Variants in MECR observed in about 807,000 individuals in gnomAD.
MECR encodes the protein mitochondrial trans-2-enoyl-CoA reductase, also known as enoyl-[acyl-carrier-protein] reductase, mitochondrial.
In MECR, 37 loss-of-function variants were observed where a neutral mutation model predicts 49.1. The observed-to-expected ratio is 0.75, with a 90% CI of 0.58 to 0.99. The LOEUF is 0.99. Ranked by LOEUF, MECR falls within the 50% of genes least tolerant of loss-of-function variation. The pLI is 0.00. For missense variants in MECR, 470 were observed against 479.6 expected (o/e 0.98, Z 0.19); for synonymous variants, 198 against 191.1 (o/e 1.04, Z -0.30).
At chr1:29,173,707 C>T in the MECR span, among the ~76,000 whole-genome samples, 1 of 150,636 alleles carries the variant, frequency 6.6e-6, no homozygotes, top group Admixed American at 6.6e-5. Context: ...CCTCAGCTTC[C>T]CAAAAGTGCT....
chr1:29,177,814 T>C, the MECR span, among the ~76,000 whole-genome samples: 329 of 152,022 alleles, frequency 2.2e-3, 3 homozygotes, highest in African/African-American at 7.3e-3. Flanking sequence ...TCAGGGTCCA[T>C]AGAATCCTTT....
At chr1:29,199,927 T>C (rs932799456) in intron 7 of MECR, among the ~76,000 whole-genome samples, 1 of 150,902 alleles carries the variant, frequency 6.6e-6, no homozygotes, top group African/African-American at 2.4e-5. Flanking sequence ...AAAAAAAAAA[T>C]TAATTTTTTT....
downstream of MECR, among the ~76,000 whole-genome samples, chr1:29,187,980 T>C (rs1294693099): frequency 7.9e-6 from 1 of 126,340 alleles, no homozygotes; most frequent in African/African-American, 3.0e-5. Flanking sequence ...GAGCTTGCAG[T>C]GAGCTGAGAT....
At position 29,194,102 on chromosome 1, in the gene MECR, C is replaced by G; in HGVS notation, c.1042G>C (p.Val348Leu). 6.2e-7 allele frequency: 1 copy of G among 1,614,134 alleles called. No homozygotes were observed. The highest frequency in any genetic ancestry group is 8.5e-7 in the Non-Finnish European group (1 of 1,180,010). The change falls in exon 10 of 10, where the codon GTC becomes CTC. Residue 348 changes from valine (V) to leucine (L), a missense_variant. Physicochemically the swap from Val to Leu is conservative, Grantham distance 32. Transcript: ENST00000263702. ...GCAGACTGGTAGTCCTGCAGCGGGACCTGGGAGCAGGCAGGGGCTGTGAGC... is the reference window on the plus strand; with the variant it reads ...GCAGACTGGTAGTCCTGCAGCGGGAGCTGGGAGCAGGCAGGGGCTGTGAGC... ...GQLTAPACSQ[V>L]PLQDYQSALE...
At chr1:29,198,869 G>A (rs563466495) in intron 7 of MECR, among the ~76,000 whole-genome samples, 39 of 152,188 alleles carry the variant, frequency 2.6e-4, no homozygotes, top group African/African-American at 8.9e-4. Context: ...CACTTGCCTC[G>A]GCCTCCCAAA....
At chr1:29,190,584 A>G (rs893305178), downstream of MECR, among the ~76,000 whole-genome samples, 1 of 152,100 alleles carries the variant, frequency 6.6e-6, no homozygotes, top group Non-Finnish European at 1.5e-5. Flanking sequence ...ACCTGAGGTC[A>G]GGAGTTCGAG....
At chr1:29,181,496 C>G in the MECR span, 1 of 612,680 alleles carries the variant, frequency 1.6e-6, no homozygotes, top group South Asian at 2.4e-5. Flanking sequence ...GGGGCCTACC[C>G]GCGCCCCCGA....
At position 29,216,704 on chromosome 1, in the gene MECR, G is replaced by A. The variant is rs774739844; in HGVS notation, c.177-19C>T. ...CTTGAGTCTAAGCACAAAGCCAAACGGAGATGTTCATGTCATCCAGGCTAG... is the reference window on the plus strand; with the variant it reads ...CTTGAGTCTAAGCACAAAGCCAAACAGAGATGTTCATGTCATCCAGGCTAG... On this transcript the variant is annotated intron_variant, in intron 1 of 9. Transcript: ENST00000263702. 13 of 1,614,094 alleles carry A rather than the reference G, an allele frequency of 8.1e-6. No homozygotes were observed. In the Admixed American group the frequency reaches 1.0e-4, roughly 12 times the overall value.
rs1574444030 is a variant in MECR, at chr1:29,216,478, C to G, written c.274+110G>C. 5.3e-6 allele frequency: 6 copies of G among 1,127,216 alleles called. No individual in the cohort carries two copies. In the East Asian group the frequency reaches 1.4e-4, roughly 27 times the overall value. The allele number at this position is 1,127,216 out of a possible 1,614,324, so 69.8% of individuals were successfully genotyped here. ...GCCTGCAGACGGCTCATCTGGAGAA[C>G]AGCTGCTGCTAATCACAGGCATTTC... On this transcript the variant is annotated intron_variant, in intron 2 of 9. Transcript: ENST00000263702.
chr1:29,177,035 G>A, the MECR span, among the ~76,000 whole-genome samples: 289 of 152,252 alleles, frequency 1.9e-3, 1 homozygote, highest in African/African-American at 6.6e-3. Context: ...CTAAAATATG[G>A]AAAAGCTAAG....
chr1:29,217,188 ACTGC>A (rs1679663485), intron 1 of MECR, among the ~76,000 whole-genome samples: 1 of 136,984 alleles, frequency 7.3e-6, no homozygotes, highest in Non-Finnish European at 1.5e-5. Flanking sequence ...ACTCTCATTA[ACTGC>A]AAGTGGAAAA....
Position 29,221,792 on chromosome 1 carries a change from C to T in MECR, c.177-5107G>A, listed in dbSNP as rs139360773. On this transcript the variant is annotated intron_variant, in intron 1 of 9. Coordinates refer to ENST00000263702, the MANE Select transcript of MECR (RefSeq NM_016011.5). ...CTGGGTGGGTGGAGTCTAGGAGAGT[C>T]GAAAAACTTATTCTGGGTGATTTCA... 9.5e-3 allele frequency among the ~76,000 whole-genome samples: 1,440 copies of T among 152,168 alleles called. 10 individuals carry two copies. The highest frequency in any genetic ancestry group is 0.015 in the Admixed American group (235 of 15,292).
intron 3 of MECR, among the ~76,000 whole-genome samples, chr1:29,212,313 G>C (rs1471117502): frequency 6.6e-6 from 1 of 152,172 alleles, no homozygotes; most frequent in African/African-American, 2.4e-5. Context: ...CAGCTACTCG[G>C]GAGGCTGAGG....
At chr1:29,226,952 CTTTTTTTTTTT>C (rs890320572) in intron 1 of MECR, among the ~76,000 whole-genome samples, 3 of 99,722 alleles carry the variant, frequency 3.0e-5, no homozygotes, top group Non-Finnish European at 4.0e-5. Context: ...TGGGAACTAT[CTTTTTTTTTTT>C]TTTTTTTTTT....
chr1:29,204,513 C>T lies in MECR; in HGVS notation c.551-1280G>A, dbSNP rs1021907162. Among the ~76,000 whole-genome samples the T allele has an allele frequency of 2.6e-5, 4 of 152,136 alleles. No individual in the cohort carries two copies. In the East Asian group the frequency reaches 5.8e-4, roughly 22 times the overall value. On this transcript the variant is annotated intron_variant, in intron 4 of 9. Transcript: ENST00000263702. ...ATAAAAAATAACAGAGTATGTCACA[C>T]ATAGTAAGGGTATTTCACGAAACTT...
At chr1:29,177,007 G>GT in the MECR span, among the ~76,000 whole-genome samples, 49,379 of 151,996 alleles carry the variant, frequency 0.32, 9,961 homozygotes, top group Non-Finnish European at 0.44. Context: ...TTAATATGTG[G>GT]TAAGTTTTAC....
chr1:29,200,509 G>T lies in MECR; in HGVS notation c.830+7C>A. ...GCGAGCTGGACCTGCAGGCCCAAGGGACTTACGCTAACTGCCGCAGCAGCT... is the reference window on the plus strand; with the variant it reads ...GCGAGCTGGACCTGCAGGCCCAAGGTACTTACGCTAACTGCCGCAGCAGCT... On this transcript the variant is annotated splice_region_variant and intron_variant, in intron 7 of 9. Coordinates refer to ENST00000263702, the MANE Select transcript of MECR (RefSeq NM_016011.5). 1 of 1,612,664 alleles carries T rather than the reference G, an allele frequency of 6.2e-7. No homozygotes were observed. The highest frequency in any genetic ancestry group is 1.1e-5 in the South Asian group (1 of 90,988).
chr1:29,191,308 C>T (rs16837970), downstream of MECR, among the ~76,000 whole-genome samples: 9,643 of 151,990 alleles, frequency 0.063, 806 homozygotes, highest in East Asian at 0.41. Context: ...TTGAAGAATC[C>T]TATTTTTTTT....
At chr1:29,230,418 G>A (rs1196693893) in intron 1 of MECR, 1 of 332,192 alleles carries the variant, frequency 3.0e-6, no homozygotes, top group Non-Finnish European at 5.5e-6. Flanking sequence ...TGCAAAATGG[G>A]GATAAATCAA....
Sources: gnomAD v4.1 joint callset for allele counts (sites outside exome capture counted in the v4.1 genomes callset) on GRCh38, gnomAD v4.1.1 for gene constraint, MANE v1.5 for transcripts, NCBI Gene and HGNC (gene_info 2026-07-23, HGNC 2026-07-21) for gene names.